The following MYH15 variants were observed in gnomAD, a reference collection of about 807,000 sequenced individuals.
MYH15 encodes the protein myosin-15.
A neutral mutation model predicts 240.5 loss-of-function variants in MYH15; 227 were observed. That is an observed-to-expected ratio of 0.94 (90% CI 0.85 to 1.05). MYH15 has a LOEUF of 1.05. Ranked by LOEUF, MYH15 falls within the 50% of genes least tolerant of loss-of-function variation. MYH15 has a pLI of 0.00. For missense variants in MYH15, 2,217 were observed against 2,247.5 expected, an observed-to-expected ratio of 0.99 and a Z score of 0.27; for synonymous variants, 785 against 796.7, an observed-to-expected ratio of 0.99 and a Z score of 0.25.
At chr3:108,529,246 G>T in intron 1 of MYH15, 1 of 1,600,490 alleles carries the variant, frequency 6.2e-7, no homozygotes, top group Non-Finnish European at 8.6e-7. Context: ...TAAAACATAT[G>T]TTGGGAGTCC....
chr3:108,476,753 A>G (rs1445897970), intron 11 of MYH15, among the ~76,000 whole-genome samples: 1 of 152,160 alleles, frequency 6.6e-6, no homozygotes, highest in East Asian at 1.9e-4. Context: ...GTTGGCATTA[A>G]GGAAAAAGAA....
In MYH15 at chr3:108,456,811, C is replaced by A; in HGVS notation, c.2093G>T (p.Arg698Leu). 5 of 1,613,664 alleles carry A rather than the reference C, an allele frequency of 3.1e-6. No homozygotes were observed. Among genetic ancestry groups the A allele is most frequent in the African/African-American group, 1.3e-5 (1 of 74,970 alleles). ...NGVLEGTRIC[R>L]EGFPNRLQYA... The stretch of plus-strand genomic sequence containing the variant: ...CTGCAGTCGGTTTGGAAAACCTTCA[C>A]GGCATATCCTAGTCCCTTCCAAGAC... The change falls in exon 19 of 41, where the codon CGT becomes CTT. Residue 698 changes from arginine to leucine, a missense_variant. Physicochemically the swap from Arg to Leu is moderately radical, Grantham distance 102 (BLOSUM62 -2). Transcript: ENST00000693548.
At position 108,476,454 on chromosome 3, in the gene MYH15, G is replaced by A. The variant is rs754450036; in HGVS notation, c.1176C>T (p.Ile392=). ...INSSELVKCL[I]HPRIKVGNEY... is the part of the protein sequence containing the mutation. ...CGTTACCAACTTTGATTCTAGGATG[G>A]ATCAAGCACTTTACCAACTCAGAGG... The change falls in exon 12 of 41, where the codon ATC becomes ATT. Residue 392 remains isoleucine (I), a synonymous_variant. Coordinates refer to ENST00000693548, the MANE Select transcript of MYH15 (RefSeq NM_014981.3). 2 of 1,613,406 alleles carry A rather than the reference G, an allele frequency of 1.2e-6. No individual in the cohort carries two copies. The highest frequency in any genetic ancestry group is 1.7e-5 in the Admixed American group (1 of 59,936).
Position 108,498,032 on chromosome 3 carries a change from C to T in MYH15, c.618+20G>A, listed in dbSNP as rs2083405931. The T allele has an allele frequency of 1.2e-6, 2 of 1,607,882 alleles. No homozygotes were observed. The highest frequency in any genetic ancestry group is 1.7e-4 in the Middle Eastern group (1 of 6,048). ...GATAGGGCCACCTCATCTTTTCTACCAAGCTATATAAACACTTACCTGCTT... is the reference window on the plus strand; with the variant it reads ...GATAGGGCCACCTCATCTTTTCTACTAAGCTATATAAACACTTACCTGCTT... On this transcript the variant is annotated intron_variant, in intron 6 of 40. Coordinates refer to ENST00000693548, the MANE Select transcript of MYH15 (RefSeq NM_014981.3).
intron 25 of MYH15, among the ~76,000 whole-genome samples, 200 bp downstream of exon 25, chr3:108,437,354 T>A (rs2107566078): frequency 6.6e-6 from 1 of 152,194 alleles, no homozygotes; most frequent in South Asian, 2.1e-4. Context: ...GTTACGTCCT[T>A]CTAGATTATG....
chr3:108,547,058 A>G, the MYH15 span, among the ~76,000 whole-genome samples: 1 of 152,140 alleles, frequency 6.6e-6, no homozygotes, highest in South Asian at 2.1e-4. Context: ...TCAATGAAAC[A>G]TCTGCCTTTA....
At chr3:108,449,838 G>T (rs1350641498) in intron 21 of MYH15, among the ~76,000 whole-genome samples, 1 of 151,848 alleles carries the variant, frequency 6.6e-6, no homozygotes, top group Non-Finnish European at 1.5e-5. Flanking sequence ...ATGAAATAAA[G>T]GGGTAATATT....
At chr3:108,444,183 A>T (rs2082908448) in intron 22 of MYH15, among the ~76,000 whole-genome samples, 1 of 151,904 alleles carries the variant, frequency 6.6e-6, no homozygotes, top group African/African-American at 2.4e-5. Context: ...ATTTTTTTAA[A>T]AAAAGCTCAT....
intron 34 of MYH15, 54 bp from the exon 35 acceptor site, chr3:108,398,894 C>T (rs1469346200): frequency 1.3e-6 from 2 of 1,535,256 alleles, no homozygotes; most frequent in African/African-American, 2.7e-5. Flanking sequence ...TCAACATAGA[C>T]TATGCACCTA....
intron 10 of MYH15, among the ~76,000 whole-genome samples, chr3:108,485,527 T>G (rs1004645537): frequency 1.3e-5 from 2 of 152,234 alleles, no homozygotes; most frequent in African/African-American, 4.8e-5. Context: ...TAACTGGCTA[T>G]ATGAGGTCAA....
In MYH15 at chr3:108,505,788, T is replaced by C. The variant is rs1397838449; in HGVS notation, c.130A>G (p.Ile44Val). 3 of 1,612,240 alleles carry C rather than the reference T, an allele frequency of 1.9e-6. No individual in the cohort carries two copies. Among genetic ancestry groups the C allele is most frequent in the South Asian group, 1.1e-5 (1 of 90,962 alleles). ...CWIPDGENAY[I>V]EAEVKGSEDD... ...TCACTCCCTTTTACCTCAGCCTCGATATAAGCATTCTCACCATCAGGAATC... is the reference window on the plus strand; with the variant it reads ...TCACTCCCTTTTACCTCAGCCTCGACATAAGCATTCTCACCATCAGGAATC... The change falls in exon 2 of 41, where the codon ATC becomes GTC. Residue 44 changes from isoleucine (I) to valine (V), a missense_variant. By Grantham distance (29) the Ile-to-Val change is conservative. Coordinates refer to ENST00000693548, the MANE Select transcript of MYH15 (RefSeq NM_014981.3).
intron 1 of MYH15, among the ~76,000 whole-genome samples, chr3:108,526,870 A>G (rs2083676525): frequency 6.6e-6 from 1 of 152,124 alleles, no homozygotes; most frequent in Admixed American, 6.6e-5. Flanking sequence ...ACTTATTTCC[A>G]TCAAAAAGAA....
Position 108,414,305 on chromosome 3 carries a change from C to A in MYH15, c.4072G>T (p.Ala1358Ser). Residue 1358 changes from alanine to serine, a missense_variant, in exon 30 of 41, where the codon GCT becomes TCT. Coordinates refer to ENST00000693548, the MANE Select transcript of MYH15 (RefSeq NM_014981.3). ...TTCATTCTCCATTGCACCATTTCAG[C>A]ATTGACTTTGGATAAGGTCCGGTGC... is the stretch of plus-strand genomic sequence containing the variant. The part of the protein sequence containing the change: ...ELHRTLSKVN[A>S]EMVQWRMKYE... 6.2e-7 allele frequency: 1 copy of A among 1,614,166 alleles called. No individual in the cohort carries two copies. Among genetic ancestry groups the A allele is most frequent in the Non-Finnish European group, 8.5e-7 (1 of 1,180,026 alleles).
intron 33 of MYH15, among the ~76,000 whole-genome samples, chr3:108,400,212 C>A (rs1026558001): frequency 6.6e-6 from 1 of 152,300 alleles, no homozygotes; most frequent in Middle Eastern, 3.4e-3. Context: ...CTTTCAATGA[C>A]TTTGAATGTT....
At chr3:108,406,037 T>C (rs149861702) in intron 32 of MYH15, among the ~76,000 whole-genome samples, 131 of 152,340 alleles carry the variant, frequency 8.6e-4, no homozygotes, top group African/African-American at 3.0e-3. Context: ...GCAAATGAAT[T>C]TCTTTGACAG....
upstream of MYH15, among the ~76,000 whole-genome samples, chr3:108,512,835 G>A (rs1318546559): frequency 6.6e-6 from 1 of 152,148 alleles, no homozygotes; most frequent in African/African-American, 2.4e-5. Context: ...GAATGTGTAG[G>A]AGCAGGCACT....
rs201163972 is a variant in MYH15 at position 108,505,759 on chromosome 3, A to G, written c.159T>C (p.Asp53=). The G allele has an allele frequency of 2.4e-5, 38 of 1,612,620 alleles. No individual in the cohort carries two copies. Among genetic ancestry groups the G allele is most frequent in the African/African-American group, 4.0e-5 (3 of 74,654 alleles). ...CTGTCTCAACAATTACTGTTCCATC[A>G]TCTTCACTCCCTTTTACCTCAGCCT... ...YIEAEVKGSE[D]DGTVIVETAD... Residue 53 remains aspartate, a synonymous_variant, in exon 2 of 41, where the codon GAT becomes GAC. Coordinates refer to ENST00000693548, the MANE Select transcript of MYH15 (RefSeq NM_014981.3).
chr3:108,533,304 A>G (rs2083724516), upstream of MYH15, among the ~76,000 whole-genome samples: 1 of 151,992 alleles, frequency 6.6e-6, no homozygotes, highest in South Asian at 2.1e-4. Context: ...CAATAAAAAC[A>G]CTAAATTAAT....
At chr3:108,402,602 G>A (rs1003661273) in intron 33 of MYH15, among the ~76,000 whole-genome samples, 1 of 152,216 alleles carries the variant, frequency 6.6e-6, no homozygotes, top group African/African-American at 2.4e-5. Context: ...CTTTCAATCA[G>A]TGATCAACCC....
Sources: allele counts gnomAD v4.1 joint callset (sites outside exome capture counted in the v4.1 genomes callset), GRCh38; gene constraint gnomAD v4.1.1; transcripts MANE v1.5; gene names NCBI Gene and HGNC (gene_info 2026-07-23, HGNC 2026-07-21).